The following C8orf34 variants were observed in gnomAD, a reference collection of about 807,000 sequenced individuals.
The protein encoded by C8orf34 is chromosome 8 open reading frame 34.
In C8orf34, 65 loss-of-function variants were observed where a neutral mutation model predicts 68.3. The ratio of observed to expected loss-of-function variants is 0.95; its 90% CI spans 0.78 to 1.17. The LOEUF (loss-of-function observed/expected upper bound fraction) is 1.17. C8orf34 is among the 50% of genes most tolerant of loss of function. The pLI is 0.00. For synonymous variants in C8orf34, 244 were observed against 241.2 expected, an observed-to-expected ratio of 1.01 and a Z score of -0.11; for missense variants, 664 against 655.4, an observed-to-expected ratio of 1.01 and a Z score of -0.14.
At chr8:68,334,658 A>AT (rs1241191138) in intron 1 of C8orf34, among the ~76,000 whole-genome samples, 1 of 152,078 alleles carries the variant, frequency 6.6e-6, no homozygotes, top group South Asian at 2.1e-4. Context: ...TCACCATGGA[A>AT]TTTTTAAATT....
At chr8:68,403,944 T>A (rs1401927852) in intron 1 of C8orf34, among the ~76,000 whole-genome samples, 1 of 152,202 alleles carries the variant, frequency 6.6e-6, no homozygotes, top group Non-Finnish European at 1.5e-5. Flanking sequence ...TTCTAGATCC[T>A]TGAGGAATGG....
intron 7 of C8orf34, among the ~76,000 whole-genome samples, chr8:68,611,369 A>T (rs927119807): frequency 1.1e-4 from 17 of 152,154 alleles, no homozygotes; most frequent in African/African-American, 3.4e-4. Flanking sequence ...TTTCTTTTGG[A>T]AAAAGGGAAA....
chr8:68,555,973 G>C (rs1240874591), intron 7 of C8orf34, among the ~76,000 whole-genome samples: 1 of 152,102 alleles, frequency 6.6e-6, no homozygotes, highest in African/African-American at 2.4e-5. Context: ...ACACCTGAGA[G>C]TGTCTAGCAC....
chr8:68,372,953 G>T (rs953641840), intron 1 of C8orf34, among the ~76,000 whole-genome samples: 1 of 152,138 alleles, frequency 6.6e-6, no homozygotes, highest in Non-Finnish European at 1.5e-5. Context: ...TAGAAGAATG[G>T]GTTTGTTAAG....
At chr8:68,405,777 C>A (rs374618458) in intron 1 of C8orf34, among the ~76,000 whole-genome samples, 14 of 152,270 alleles carry the variant, frequency 9.2e-5, no homozygotes, top group East Asian at 3.9e-4. Context: ...TACCTCCCTC[C>A]CGTAATTCTG....
chr8:68,373,028 T>G (rs185402914), intron 1 of C8orf34, among the ~76,000 whole-genome samples: 2 of 152,288 alleles, frequency 1.3e-5, no homozygotes, highest in Admixed American at 6.5e-5. Flanking sequence ...AGAGTTTTGC[T>G]CTTGTTGCCC....
chr8:68,667,653 C>A lies in C8orf34; in HGVS notation c.1241+27142C>A, dbSNP rs1819881224. On this transcript the variant is annotated intron_variant, in intron 8 of 13. Coordinates refer to ENST00000518698, the MANE Select transcript of C8orf34 (RefSeq NM_052958.4). ...TCAATGACTATAATTCCAAAACTGG[C>A]CTAAGATTCTGTATTCTAGATCTAT... Among the ~76,000 whole-genome samples the A allele has an allele frequency of 2.0e-5, 3 of 152,110 alleles. 1 individual carries two copies. Among genetic ancestry groups the A allele is most frequent in the Admixed American group, 6.6e-5 (1 of 15,262 alleles).
At chr8:68,683,002 G>A (rs1820413204) in intron 8 of C8orf34, among the ~76,000 whole-genome samples, 1 of 152,196 alleles carries the variant, frequency 6.6e-6, no homozygotes, top group Admixed American at 6.6e-5. Flanking sequence ...CAGCAAGGCA[G>A]ATTGACTGCC....
intron 7 of C8orf34, among the ~76,000 whole-genome samples, chr8:68,629,309 C>T (rs1360402771): frequency 2.0e-5 from 3 of 152,104 alleles, no homozygotes; most frequent in Non-Finnish European, 2.9e-5. Context: ...CCAAAAACAC[C>T]ATCTCTTCCT....
At chr8:68,438,565 A>G (rs1013509773) in intron 1 of C8orf34, 1 of 152,170 alleles carries the variant, frequency 6.6e-6, no homozygotes, top group African/African-American at 2.4e-5. Context: ...ACAGAATCCT[A>G]GCTTAAAACA....
intron 7 of C8orf34, among the ~76,000 whole-genome samples, chr8:68,569,470 T>C (rs1054536529): frequency 9.9e-5 from 15 of 151,542 alleles, no homozygotes; most frequent in African/African-American, 3.4e-4. Context: ...TCCACCTTCA[T>C]TGATGCCCGG....
intron 1 of C8orf34, among the ~76,000 whole-genome samples, chr8:68,334,917 G>A (rs774012064): frequency 5.9e-5 from 9 of 152,060 alleles, no homozygotes; most frequent in Non-Finnish European, 1.2e-4. Flanking sequence ...GTACCCCACG[G>A]CACTTCTTCC....
rs550478399 is a variant in C8orf34 at position 68,699,126 on chromosome 8, A to G, written c.1242-9868A>G. On this transcript the variant is annotated intron_variant, in intron 8 of 13. Transcript: ENST00000518698. ...AGAAAGTCTATGATGGAGCCCAGCA[A>G]TCTGTGTTCTAGAAGTCCTGTTGGA... Among the ~76,000 whole-genome samples, 6 of 151,920 alleles carry G rather than the reference A, an allele frequency of 3.9e-5. No individual in the cohort carries two copies. The South Asian group carries it at 1.3e-3, about 32-fold the overall frequency.
At chr8:68,544,284 G>T (rs1231087343) in intron 7 of C8orf34, among the ~76,000 whole-genome samples, 1 of 152,166 alleles carries the variant, frequency 6.6e-6, no homozygotes, top group East Asian at 1.9e-4. Flanking sequence ...ACATCGTAGA[G>T]CTTTTACCCA....
chr8:68,799,259 G>A (rs921845435), intron 12 of C8orf34, among the ~76,000 whole-genome samples: 12 of 152,158 alleles, frequency 7.9e-5, no homozygotes, highest in Admixed American at 3.9e-4. Context: ...TTTGCTCCAG[G>A]TGTGGCCTAC....
intron 7 of C8orf34, among the ~76,000 whole-genome samples, chr8:68,622,307 A>C (rs4313142): frequency 6.6e-6 from 1 of 152,064 alleles, no homozygotes; most frequent in African/African-American, 2.4e-5. Context: ...TTAAAAGCAA[A>C]TCACTACATC....
intron 3 of C8orf34, among the ~76,000 whole-genome samples, chr8:68,465,735 G>A (rs1283616660): frequency 6.6e-6 from 1 of 151,560 alleles, no homozygotes; most frequent in Non-Finnish European, 1.5e-5. Context: ...CTCACTCATA[G>A]GTGGGAATTG....
chr8:68,618,040 T>C (rs1818279046), intron 7 of C8orf34, among the ~76,000 whole-genome samples: 1 of 152,160 alleles, frequency 6.6e-6, no homozygotes, highest in African/African-American at 2.4e-5. Context: ...ATTTGGACCA[T>C]CTATACCCTT....
rs1460411973 is a variant in C8orf34 at position 68,331,275 on chromosome 8, C to A, written c.263C>A (p.Ala88Glu). 1 of 1,536,446 alleles carries A rather than the reference C, an allele frequency of 6.5e-7. No individual in the cohort carries two copies. Among genetic ancestry groups the A allele is most frequent in the South Asian group, 1.2e-5 (1 of 84,064 alleles). Residue 88 changes from alanine to glutamate, a missense_variant, in exon 1 of 14, where the codon GCG (alanine) becomes GAG (glutamate). Physicochemically the swap from Ala to Glu is moderately radical, Grantham distance 107. Transcript: ENST00000518698. ...TCGCGGTCCCATCTGTTCCCCATGG[C>A]GTCTCATCCGCAAACCCGGATCCAG... is the stretch of plus-strand genomic sequence containing the variant. Reference protein sequence around the residue: ...LSSRSHLFPMASHPQTRIQAY... With the variant: ...LSSRSHLFPMESHPQTRIQAY...
Sources: gnomAD v4.1 joint callset for allele counts (sites outside exome capture counted in the v4.1 genomes callset) on GRCh38, gnomAD v4.1.1 for gene constraint, MANE v1.5 for transcripts, NCBI Gene and HGNC (gene_info 2026-07-23, HGNC 2026-07-21) for gene names.